BEND7: variants seen among roughly 807,000 people sequenced by gnomAD.
BEND7 encodes the protein BEN domain-containing protein 7.
In BEND7, 28 loss-of-function variants were observed where a neutral mutation model predicts 50.9. The observed-to-expected ratio is 0.55, with a 90% CI of 0.41 to 0.75. BEND7 has a LOEUF of 0.75. Among genes scored for constraint, BEND7 ranks in the 30% least tolerant of loss-of-function variants. The probability of loss-of-function intolerance (pLI) is 0.00; values close to 1 mark genes in which losing one functional copy is unlikely to be tolerated. For synonymous variants in BEND7, 170 were observed against 183.9 expected, an observed-to-expected ratio of 0.92 and a Z score of 0.61; for missense variants, 477 against 491.3, an observed-to-expected ratio of 0.97 and a Z score of 0.28.
chr10:13,443,514 C>T (rs1835669702), intron 8 of BEND7: 1 of 152,618 alleles, frequency 6.6e-6, no homozygotes, highest in African/African-American at 2.4e-5. Context: ...AAACAATTTA[C>T]TGGGGAGGTG....
intron 2 of BEND7, among the ~76,000 whole-genome samples, chr10:13,517,174 C>T (rs948436578): frequency 1.3e-5 from 2 of 151,726 alleles, no homozygotes; most frequent in Admixed American, 6.6e-5. Flanking sequence ...AACTGATCCT[C>T]CCACCTCAGC....
chr10:13,472,111 T>TTAG (rs2074912256), intron 6 of BEND7, among the ~76,000 whole-genome samples: 2 of 152,126 alleles, frequency 1.3e-5, no homozygotes, highest in African/African-American at 4.8e-5. Context: ...GTCATCACTG[T>TTAG]TAGACTTGGG....
Position 13,441,348 on chromosome 10 carries a change from A to G in BEND7, c.*395T>C. ...AAAAAGGTTTCTGAATAAAGACTGA[A>G]CAGTAGTCACAGTAAGTAAACACAA... On this transcript the variant is annotated 3_prime_UTR_variant, in exon 9 of 9. Coordinates refer to ENST00000466271, the MANE Select transcript of BEND7 (RefSeq NM_001369863.1). 9.7e-7 allele frequency: 1 copy of G among 1,026,180 alleles called. No individual in the cohort carries two copies. Among genetic ancestry groups the G allele is most frequent in the Non-Finnish European group, 1.2e-6 (1 of 857,412 alleles). The allele number at this position is 1,026,180 out of a possible 1,614,324, so 63.6% of individuals were successfully genotyped here.
At chr10:13,465,487 G>A (rs116712097) in intron 6 of BEND7, among the ~76,000 whole-genome samples, 80 of 152,154 alleles carry the variant, frequency 5.3e-4, no homozygotes, top group African/African-American at 1.8e-3. Flanking sequence ...TCTCATCTTC[G>A]TGCTGACTGC....
At chr10:13,500,155 A>C (rs2077337516) in intron 2 of BEND7, 75 bp from the exon 3 acceptor site, 2 of 1,210,724 alleles carry the variant, frequency 1.7e-6, no homozygotes, top group Non-Finnish European at 2.3e-6. Context: ...AAAAGAAGAG[A>C]AAGAAAAACA....
intron 6 of BEND7, among the ~76,000 whole-genome samples, chr10:13,458,051 T>A (rs1839390300): frequency 6.6e-6 from 1 of 152,242 alleles, no homozygotes; most frequent in Non-Finnish European, 1.5e-5. Flanking sequence ...AGCTAAAGCA[T>A]CTCTTCTGCT....
chr10:13,491,793 C>G (rs561115948), intron 5 of BEND7, among the ~76,000 whole-genome samples: 1 of 152,258 alleles, frequency 6.6e-6, no homozygotes, highest in East Asian at 1.9e-4. Flanking sequence ...TGGCCAACCT[C>G]CAATCCTATA....
At position 13,492,689 on chromosome 10, in the gene BEND7, G is replaced by T. The variant is rs776497785; in HGVS notation, c.759C>A (p.Leu253=). Residue 253 remains leucine (L), a synonymous_variant, in exon 5 of 9, where the codon CTC becomes CTA. Coordinates refer to ENST00000466271, the MANE Select transcript of BEND7 (RefSeq NM_001369863.1). ...KSVVASELSA[L]QAAEHTSPEE... ...CCGGGGAGGTGTGCTCGGCTGCCTG[G>T]AGAGCAGATAGCTCAGAGGCCACCA... 1.9e-6 allele frequency: 3 copies of T among 1,614,078 alleles called. No individual in the cohort carries two copies. The highest frequency in any genetic ancestry group is 2.7e-5 in the African/African-American group (2 of 74,922).
intron 2 of BEND7, among the ~76,000 whole-genome samples, chr10:13,524,151 C>T (rs2132743016): frequency 6.6e-6 from 1 of 152,186 alleles, no homozygotes; most frequent in East Asian, 1.9e-4. Context: ...CCTCTCTTAT[C>T]CTTACAATTC....
Position 13,455,283 on chromosome 10 carries a change from C to T in BEND7, c.1064-2625G>A, listed in dbSNP as rs924446552. ...AGGCTGGGTTGGGAGCCCTGGGGAA[C>T]GCCACGCTGCCAAGGAGAAGGTGGA... On this transcript the variant is annotated intron_variant, in intron 6 of 8. Coordinates refer to ENST00000466271, the MANE Select transcript of BEND7 (RefSeq NM_001369863.1). Among the ~76,000 whole-genome samples, 11 of 151,884 alleles carry T rather than the reference C, an allele frequency of 7.2e-5. No homozygotes were observed. In the East Asian group the frequency reaches 7.8e-4, roughly 11 times the overall value.
chr10:13,484,077 T>C (rs1442699213), intron 5 of BEND7, among the ~76,000 whole-genome samples: 1 of 152,196 alleles, frequency 6.6e-6, no homozygotes, highest in Admixed American at 6.5e-5. Flanking sequence ...TCAAGGAACA[T>C]GAACTCACCC....
At position 13,441,706 on chromosome 10, in the gene BEND7, T is replaced by G. The variant is rs1835351370; in HGVS notation, c.*37A>C. The G allele has an allele frequency of 6.2e-7, 1 of 1,613,346 alleles. No homozygotes were observed. The highest frequency in any genetic ancestry group is 8.5e-7 in the Non-Finnish European group (1 of 1,179,784). Reference sequence around the variant, plus strand: ...AGAGGACGGATTTTAAAACCCATGGTGCAAAAAACACAAGAGCTGTGGTTT... The same window carrying G: ...AGAGGACGGATTTTAAAACCCATGGGGCAAAAAACACAAGAGCTGTGGTTT... On this transcript the variant is annotated 3_prime_UTR_variant, in exon 9 of 9. Transcript: ENST00000466271.
At chr10:13,490,803 T>C (rs1037158115) in intron 5 of BEND7, among the ~76,000 whole-genome samples, 1 of 152,130 alleles carries the variant, frequency 6.6e-6, no homozygotes, top group Non-Finnish European at 1.5e-5. Flanking sequence ...ATTTTGTTTT[T>C]TTGTTTTTGT....
intron 6 of BEND7, among the ~76,000 whole-genome samples, chr10:13,469,840 A>G (rs1323495269): frequency 6.6e-6 from 1 of 152,170 alleles, no homozygotes; most frequent in Non-Finnish European, 1.5e-5. Flanking sequence ...TTTTTTTGTG[A>G]GTATTCCATG....
At chr10:13,474,706 T>C (rs1031108822) in intron 6 of BEND7, among the ~76,000 whole-genome samples, 1 of 152,162 alleles carries the variant, frequency 6.6e-6, no homozygotes, top group African/African-American at 2.4e-5. Flanking sequence ...CTCAGGTCGA[T>C]ACCCGTCATC....
intron 2 of BEND7, among the ~76,000 whole-genome samples, chr10:13,501,392 A>G (rs1248790661): frequency 2.6e-5 from 4 of 151,652 alleles, no homozygotes; most frequent in East Asian, 1.9e-4. Context: ...AAAAAAAAAA[A>G]AAAGAAAAAG....
chr10:13,476,507 T>C (rs1432215481), intron 6 of BEND7, among the ~76,000 whole-genome samples: 2 of 152,154 alleles, frequency 1.3e-5, no homozygotes, highest in Non-Finnish European at 2.9e-5. Flanking sequence ...TAATAAAACT[T>C]TCTCAACTCA....
chr10:13,501,324 A>C (rs971206989), intron 2 of BEND7, among the ~76,000 whole-genome samples: 1 of 150,876 alleles, frequency 6.6e-6, no homozygotes, highest in South Asian at 2.1e-4. Context: ...TGGTGAGCCA[A>C]GATGGCACCA....
At chr10:13,470,956 T>C (rs1953843521) in intron 6 of BEND7, among the ~76,000 whole-genome samples, 1 of 152,218 alleles carries the variant, frequency 6.6e-6, no homozygotes, top group South Asian at 2.1e-4. Context: ...CAATGTTTTA[T>C]TGAATTTAAG....
Sources: gnomAD v4.1 joint callset for allele counts (sites outside exome capture counted in the v4.1 genomes callset) on GRCh38, gnomAD v4.1.1 for gene constraint, MANE v1.5 for transcripts, NCBI Gene and HGNC (gene_info 2026-07-23, HGNC 2026-07-21) for gene names.